The following LRFN2 variants were observed in gnomAD, a reference collection of about 807,000 sequenced individuals.
LRFN2 encodes the protein leucine rich repeat and fibronectin type III domain containing 2, also known as leucine-rich repeat and fibronectin type-III domain-containing protein 2.
In LRFN2, 18 loss-of-function variants were observed where a neutral mutation model predicts 37.3. The ratio of observed to expected loss-of-function variants is 0.48; its 90% CI spans 0.33 to 0.72. The LOEUF (loss-of-function observed/expected upper bound fraction) is 0.72, where lower values mean the gene tolerates loss of function less well. Among genes scored for constraint, LRFN2 ranks in the 30% least tolerant of loss-of-function variants. The pLI is 0.02. For missense variants in LRFN2, 1,006 were observed against 1,060.7 expected (o/e 0.95, Z 0.72); for synonymous variants, 556 against 466.6 (o/e 1.19, Z -2.47).
At chr6:40,414,019 C>A (rs537836128) in intron 2 of LRFN2, among the ~76,000 whole-genome samples, 3 of 152,342 alleles carry the variant, frequency 2.0e-5, no homozygotes, top group South Asian at 4.1e-4. Context: ...CTCCAAGACG[C>A]TCGTCTCACC....
Position 40,558,789 on chromosome 6 carries a change from A to G in LRFN2, c.-19+28152T>C, listed in dbSNP as rs116041836. On this transcript the variant is annotated intron_variant, in intron 1 of 2. Transcript: ENST00000338305. ...ACAAAACCTCTGTGAGGTTAACGTT[A>G]TTAGTGCCTCCATTCTGCAAATAAG... Among the ~76,000 whole-genome samples the G allele has an allele frequency of 9.6e-3, 1,470 of 152,340 alleles. 16 individuals are homozygous for G. The highest frequency in any genetic ancestry group is 0.026 in the African/African-American group (1,089 of 41,582).
chr6:40,422,431 A>G (rs1448192074), intron 2 of LRFN2, among the ~76,000 whole-genome samples: 1 of 152,040 alleles, frequency 6.6e-6, no homozygotes, highest in South Asian at 2.1e-4. Context: ...ACCCAAGCTG[A>G]CTCAGAATCC....
At chr6:40,489,447 C>T (rs950412977) in intron 1 of LRFN2, among the ~76,000 whole-genome samples, 2 of 152,314 alleles carry the variant, frequency 1.3e-5, no homozygotes, top group Non-Finnish European at 1.5e-5. Context: ...TCCTAACACC[C>T]GGTCTCCAGG....
At chr6:40,564,757 C>T (rs1242260831) in intron 1 of LRFN2, among the ~76,000 whole-genome samples, 3 of 152,118 alleles carry the variant, frequency 2.0e-5, no homozygotes, top group Non-Finnish European at 4.4e-5. Context: ...CTCCATTGCT[C>T]ATAGTAAAAA....
chr6:40,438,527 C>T (rs1763747526), intron 1 of LRFN2, among the ~76,000 whole-genome samples: 1 of 152,172 alleles, frequency 6.6e-6, no homozygotes. Flanking sequence ...GCCTAAACTA[C>T]CCTAGCTACC....
At chr6:40,545,665 G>A (rs548764798) in intron 1 of LRFN2, among the ~76,000 whole-genome samples, 1 of 152,118 alleles carries the variant, frequency 6.6e-6, no homozygotes, top group South Asian at 2.1e-4. Flanking sequence ...ATGGGAAAGT[G>A]GAAGAGAGGA....
At chr6:40,581,523 C>G (rs1241797722) in intron 1 of LRFN2, among the ~76,000 whole-genome samples, 2 of 152,196 alleles carry the variant, frequency 1.3e-5, no homozygotes, top group African/African-American at 4.8e-5. Context: ...CTCCATGACC[C>G]CAGATCCCCA....
intron 1 of LRFN2, among the ~76,000 whole-genome samples, chr6:40,535,671 CT>C (rs1766435953): frequency 6.6e-6 from 1 of 152,138 alleles, no homozygotes; most frequent in Non-Finnish European, 1.5e-5. Flanking sequence ...TGTCTGTTAA[CT>C]GCTTAGCTGC....
At chr6:40,426,288 G>T (rs542149055) in intron 2 of LRFN2, among the ~76,000 whole-genome samples, 2 of 152,216 alleles carry the variant, frequency 1.3e-5, no homozygotes, top group East Asian at 1.9e-4. Context: ...CAGACTGCCT[G>T]CTTCGTATCC....
At chr6:40,455,874 C>T (rs1764223843) in intron 1 of LRFN2, among the ~76,000 whole-genome samples, 1 of 152,126 alleles carries the variant, frequency 6.6e-6, no homozygotes. Flanking sequence ...GGAGATTATC[C>T]TGGGTGGGCC....
intron 1 of LRFN2, among the ~76,000 whole-genome samples, chr6:40,581,914 A>G (rs1345731074): frequency 1.3e-5 from 2 of 152,222 alleles, no homozygotes; most frequent in African/African-American, 4.8e-5. Flanking sequence ...GAACCTCCAC[A>G]GACCCTCAGT....
intron 1 of LRFN2, among the ~76,000 whole-genome samples, chr6:40,577,311 A>G (rs1189460448): frequency 3.3e-5 from 5 of 151,988 alleles, no homozygotes; most frequent in Admixed American, 6.6e-5. Flanking sequence ...CATGTTGCCC[A>G]GGCTGGTCTC....
intron 1 of LRFN2, among the ~76,000 whole-genome samples, chr6:40,533,672 G>A (rs1766393999): frequency 6.6e-6 from 1 of 152,176 alleles, no homozygotes; most frequent in Admixed American, 6.6e-5. Flanking sequence ...GGCAGAAGTA[G>A]CCCTTAGATG....
chr6:40,485,117 A>G (rs1157074656), intron 1 of LRFN2, among the ~76,000 whole-genome samples: 1 of 152,202 alleles, frequency 6.6e-6, no homozygotes, highest in Non-Finnish European at 1.5e-5. Flanking sequence ...TCTAGCTACA[A>G]AAGGGATGTT....
chr6:40,416,082 C>T (rs2113809543), intron 2 of LRFN2, among the ~76,000 whole-genome samples: 1 of 152,320 alleles, frequency 6.6e-6, no homozygotes, highest in South Asian at 2.1e-4. Context: ...AATCTTGGCT[C>T]ACTGCAACCT....
chr6:40,508,447 T>A (rs1006481784), intron 1 of LRFN2, among the ~76,000 whole-genome samples: 1 of 151,886 alleles, frequency 6.6e-6, no homozygotes, highest in Non-Finnish European at 1.5e-5. Flanking sequence ...CAGTGGGTGG[T>A]GGGGGGGATC....
chr6:40,458,848 G>C (rs949024188), intron 1 of LRFN2, among the ~76,000 whole-genome samples: 3 of 152,172 alleles, frequency 2.0e-5, no homozygotes, highest in African/African-American at 7.2e-5. Context: ...TGAACCATAA[G>C]ATAGAAGAAT....
chr6:40,466,546 G>A (rs1764471624), intron 1 of LRFN2, among the ~76,000 whole-genome samples: 2 of 152,110 alleles, frequency 1.3e-5, no homozygotes, highest in East Asian at 1.9e-4. Flanking sequence ...GCAGAAAGGA[G>A]AGGCCCCCAC....
intron 1 of LRFN2, among the ~76,000 whole-genome samples, chr6:40,473,375 A>C (rs1356148109): frequency 1.3e-5 from 2 of 152,026 alleles, no homozygotes; most frequent in Admixed American, 1.3e-4. Flanking sequence ...CTAGGTTTAA[A>C]CTCCAGCCCA....
Sources: allele counts gnomAD v4.1 joint callset (sites outside exome capture counted in the v4.1 genomes callset), GRCh38; gene constraint gnomAD v4.1.1; transcripts MANE v1.5; gene names NCBI Gene and HGNC (gene_info 2026-07-23, HGNC 2026-07-21).